Variants in PDZRN4 observed in about 807,000 individuals in gnomAD.
The protein encoded by PDZRN4 is PDZ domain containing ring finger 4.
Under a neutral mutation model 99.0 loss-of-function variants are expected in PDZRN4, and 70 were observed. The ratio of observed to expected loss-of-function variants is 0.71; its 90% confidence interval spans 0.58 to 0.86. The LOEUF is 0.86. Ranked by LOEUF, PDZRN4 falls within the 40% of genes least tolerant of loss-of-function variation. PDZRN4 has a pLI of 0.00. For missense variants in PDZRN4, 1,474 were observed against 1,331.2 expected, an observed-to-expected ratio of 1.11 and a Z score of -1.67; for synonymous variants, 551 against 501.6, an observed-to-expected ratio of 1.10 and a Z score of -1.32.
intron 3 of PDZRN4, among the ~76,000 whole-genome samples, chr12:41,485,395 G>A (rs760939296): frequency 3.3e-5 from 5 of 152,156 alleles, no homozygotes; most frequent in Admixed American, 1.3e-4. Flanking sequence ...ATTCCGGTAC[G>A]GAAATGACAA....
intron 3 of PDZRN4, among the ~76,000 whole-genome samples, chr12:41,306,340 G>C (rs1266776691): frequency 6.6e-6 from 1 of 152,194 alleles, no homozygotes; most frequent in Non-Finnish European, 1.5e-5. Flanking sequence ...TAGTGGCCCT[G>C]ATGATCTCTG....
Position 41,471,160 on chromosome 12 carries a change from C to T in PDZRN4, c.844-35296C>T, listed in dbSNP as rs1006227923. Among the ~76,000 whole-genome samples, 5 of 152,156 alleles carry T rather than the reference C, an allele frequency of 3.3e-5. No homozygotes were observed. In the East Asian group the frequency reaches 9.6e-4, roughly 29 times the overall value. On this transcript the variant is annotated intron_variant, in intron 3 of 9. Coordinates refer to ENST00000402685, the MANE Select transcript of PDZRN4 (RefSeq NM_001164595.2). ...AGTGACAAACTTTCTTAGGACAAAG[C>T]GCACCGCTATGGCAGCCTCCCTTAA...
chr12:41,543,047 C>T (rs12823312), intron 5 of PDZRN4, among the ~76,000 whole-genome samples: 25,049 of 151,990 alleles, frequency 0.16, 2,255 homozygotes, highest in South Asian at 0.24. Context: ...AATCCTAATC[C>T]ACCTCTCTAG....
intron 5 of PDZRN4, among the ~76,000 whole-genome samples, chr12:41,517,761 T>C (rs923475354): frequency 2.6e-5 from 4 of 152,042 alleles, no homozygotes; most frequent in African/African-American, 9.7e-5. Context: ...TTACGAGTAT[T>C]CTAACAGTTT....
At chr12:41,528,768 G>A (rs889740699) in intron 5 of PDZRN4, among the ~76,000 whole-genome samples, 2 of 152,170 alleles carry the variant, frequency 1.3e-5, no homozygotes, top group Admixed American at 1.3e-4. Context: ...GCACACAGCA[G>A]TAAATTGTAA....
intron 3 of PDZRN4, among the ~76,000 whole-genome samples, chr12:41,259,976 AC>A (rs2120828398): frequency 6.6e-6 from 1 of 152,288 alleles, no homozygotes; most frequent in East Asian, 1.9e-4. Flanking sequence ...TCATACTAGG[AC>A]ATTTTCTACT....
rs919764983 is a variant in PDZRN4 at position 41,312,796 on chromosome 12, T to A, written c.843+118608T>A. 2.0e-5 allele frequency among the ~76,000 whole-genome samples: 3 copies of A among 152,102 alleles called. No individual in the cohort carries two copies. The East Asian group carries it at 5.8e-4, about 29-fold the overall frequency. On this transcript the variant is annotated intron_variant, in intron 3 of 9. Coordinates refer to ENST00000402685, the MANE Select transcript of PDZRN4 (RefSeq NM_001164595.2). Reference sequence around the variant, plus strand: ...GGATTATTACAATTCAAGGTGAGATTTGAGTGTGGACACAAAGCCAAACCC... The same window carrying A: ...GGATTATTACAATTCAAGGTGAGATATGAGTGTGGACACAAAGCCAAACCC...
intron 3 of PDZRN4, among the ~76,000 whole-genome samples, chr12:41,254,488 T>C (rs1951191116): frequency 6.6e-6 from 1 of 152,210 alleles, no homozygotes; most frequent in African/African-American, 2.4e-5. Context: ...TATATAATTA[T>C]GCGAATGTTG....
At chr12:41,535,857 C>T (rs191244690) in intron 5 of PDZRN4, among the ~76,000 whole-genome samples, 25 of 152,294 alleles carry the variant, frequency 1.6e-4, no homozygotes, top group Admixed American at 9.8e-4. Context: ...CCCTCCAGAA[C>T]CATGAGGCAA....
intron 3 of PDZRN4, among the ~76,000 whole-genome samples, chr12:41,467,330 G>T (rs1952937085): frequency 6.6e-6 from 1 of 152,168 alleles, no homozygotes; most frequent in Non-Finnish European, 1.5e-5. Context: ...GAAAATATGT[G>T]TAATAATAGT....
At chr12:41,474,911 C>T (rs528773538) in intron 3 of PDZRN4, among the ~76,000 whole-genome samples, 30 of 152,276 alleles carry the variant, frequency 2.0e-4, no homozygotes, top group African/African-American at 2.2e-4. Context: ...ATAAAACTAT[C>T]GGATATAAAA....
intron 3 of PDZRN4, among the ~76,000 whole-genome samples, chr12:41,497,192 G>T (rs948634744): frequency 2.0e-5 from 3 of 152,060 alleles, no homozygotes; most frequent in African/African-American, 7.2e-5. Flanking sequence ...ATTTCCTCTT[G>T]TTCAATGGAT....
rs75538632 is a variant in PDZRN4 at position 41,507,280 on chromosome 12, T to C, written c.1100+568T>C. Among the ~76,000 whole-genome samples, 1,348 of 152,246 alleles carry C rather than the reference T, an allele frequency of 8.9e-3. 57 individuals carry two copies. The East Asian group carries it at 0.14, about 15-fold the overall frequency. On this transcript the variant is annotated intron_variant, in intron 4 of 9. Coordinates refer to ENST00000402685, the MANE Select transcript of PDZRN4 (RefSeq NM_001164595.2). ...TAAGTATAGTGCTATCAAATAAAGA[T>C]CTATTCAAGGAATACTTCCTCCTGA...
At chr12:41,569,092 G>A (rs897550202) in intron 9 of PDZRN4, among the ~76,000 whole-genome samples, 6 of 149,392 alleles carry the variant, frequency 4.0e-5, no homozygotes, top group Admixed American at 2.0e-4. Flanking sequence ...ATGAGCCACC[G>A]TGCCCTGTCT....
At chr12:41,492,815 T>C (rs1233347715) in intron 3 of PDZRN4, among the ~76,000 whole-genome samples, 1 of 152,142 alleles carries the variant, frequency 6.6e-6, no homozygotes, top group Non-Finnish European at 1.5e-5. Flanking sequence ...GAGATGACAT[T>C]TAAAATGAAT....
At chr12:41,367,174 T>C (rs772943072) in intron 3 of PDZRN4, among the ~76,000 whole-genome samples, 1 of 152,104 alleles carries the variant, frequency 6.6e-6, no homozygotes, top group Non-Finnish European at 1.5e-5. Context: ...GAATCAAGTC[T>C]ATCATTGCTT....
chr12:41,287,977 CTTTG>C (rs1033551495), intron 3 of PDZRN4, among the ~76,000 whole-genome samples: 22 of 152,142 alleles, frequency 1.4e-4, no homozygotes, highest in African/African-American at 2.9e-4. Flanking sequence ...AGTGAAGCCC[CTTTG>C]TTTGGGCTTT....
chr12:41,353,296 T>C (rs1235887815), intron 3 of PDZRN4, among the ~76,000 whole-genome samples: 1 of 152,074 alleles, frequency 6.6e-6, no homozygotes, highest in Non-Finnish European at 1.5e-5. Flanking sequence ...ACTTTCTCTC[T>C]CTCTTTTTAT....
intron 3 of PDZRN4, among the ~76,000 whole-genome samples, chr12:41,349,485 C>T (rs919296024): frequency 7.3e-5 from 11 of 151,546 alleles, no homozygotes; most frequent in Non-Finnish European, 1.6e-4. Context: ...TGCTATCTTT[C>T]TATGTCTCCA....
Sources: allele counts gnomAD v4.1 joint callset (sites outside exome capture counted in the v4.1 genomes callset), GRCh38; gene constraint gnomAD v4.1.1; transcripts MANE v1.5; gene names NCBI Gene and HGNC (gene_info 2026-07-23, HGNC 2026-07-21).